The following RIPK1 variants were observed in gnomAD, a reference collection of about 807,000 sequenced individuals.
The protein encoded by RIPK1 is receptor interacting serine/threonine kinase 1, also known as receptor-interacting serine/threonine-protein kinase 1.
RIPK1 carries 27 observed loss-of-function variants against 62.4 expected under a neutral mutation model. The observed-to-expected ratio is 0.43, with a 90% CI of 0.32 to 0.60. RIPK1 has a LOEUF of 0.60. RIPK1 is among the 20% of genes least tolerant of loss of function. The pLI is 0.07. For synonymous variants in RIPK1, 287 were observed against 303.2 expected, an observed-to-expected ratio of 0.95 and a Z score of 0.55; for missense variants, 735 against 831.0, an observed-to-expected ratio of 0.88 and a Z score of 1.42.
At chr6:3,077,356 A>C (rs939016789) in intron 2 of RIPK1, among the ~76,000 whole-genome samples, 2 of 152,016 alleles carry the variant, frequency 1.3e-5, no homozygotes, top group Admixed American at 1.3e-4. Flanking sequence ...ATGAAAAGGC[A>C]GTTCATTCCT....
intron 9 of RIPK1, among the ~76,000 whole-genome samples, chr6:3,106,746 C>G (rs963982529): frequency 6.6e-6 from 1 of 152,144 alleles, no homozygotes; most frequent in African/African-American, 2.4e-5. Flanking sequence ...CCAAAAACGT[C>G]CTATGCAAAC....
chr6:3,069,606 A>G (rs961352159), intron 1 of RIPK1, among the ~76,000 whole-genome samples: 22 of 152,228 alleles, frequency 1.4e-4, no homozygotes, highest in African/African-American at 5.3e-4. Context: ...TTACACTTGA[A>G]GAAGCCAAGG....
chr6:3,082,317 G>A (rs1003831221), intron 4 of RIPK1, among the ~76,000 whole-genome samples: 10 of 152,156 alleles, frequency 6.6e-5, no homozygotes, highest in Admixed American at 3.9e-4. Flanking sequence ...CTCTTATGTC[G>A]TGGGTTAGAA....
rs759456659 is a variant in RIPK1 at position 3,113,389 on chromosome 6, C to A, written c.*50C>A. ...AGTGGACGCCTCACTTAGTGGATAA[C>A]CCCAGAAAGTTGGCTGCCTCAGAGC... is the stretch of plus-strand genomic sequence containing the variant. On this transcript the variant is annotated 3_prime_UTR_variant, in exon 11 of 11. Transcript: ENST00000259808. The surrounding 1 kb of genome is among the most constrained non-coding windows in gnomAD (Gnocchi z 5.0). 1.3e-6 allele frequency: 2 copies of A among 1,555,454 alleles called. No individual in the cohort carries two copies. Among genetic ancestry groups the A allele is most frequent in the Non-Finnish European group, 1.7e-6 (2 of 1,145,528 alleles).
chr6:3,079,302 A>G (rs1213123552), intron 3 of RIPK1, among the ~76,000 whole-genome samples: 1 of 150,836 alleles, frequency 6.6e-6, no homozygotes, highest in African/African-American at 2.4e-5. Context: ...CTGGTCTCGA[A>G]CTCCTGACCT....
chr6:3,084,448 C>T (rs550360989), intron 5 of RIPK1, among the ~76,000 whole-genome samples: 2 of 116,800 alleles, frequency 1.7e-5, no homozygotes, highest in South Asian at 3.4e-4. Flanking sequence ...AACTTCTAGT[C>T]TGTTGATATC....
chr6:3,085,656 A>T (rs1275627507), intron 6 of RIPK1, among the ~76,000 whole-genome samples: 1 of 152,216 alleles, frequency 6.6e-6, no homozygotes, highest in African/African-American at 2.4e-5. Flanking sequence ...GGGTTTAAAT[A>T]TACGTAACAT....
chr6:3,065,824 GCA>G (rs1472696088), upstream of RIPK1, among the ~76,000 whole-genome samples: 1 of 152,128 alleles, frequency 6.6e-6, no homozygotes, highest in Non-Finnish European at 1.5e-5. Flanking sequence ...TTCATCTCAT[GCA>G]CAGTCTACAC....
upstream of RIPK1, among the ~76,000 whole-genome samples, chr6:3,065,264 CAAAAAAAAAAAAAAAA>C (rs57722248): frequency 4.9e-5 from 2 of 40,636 alleles, no homozygotes; most frequent in East Asian, 8.0e-4. Context: ...GACTCCGTCT[CAAAAAAAAAAAAAAAA>C]AAAAAAAAAA....
intron 3 of RIPK1, among the ~76,000 whole-genome samples, chr6:3,078,195 G>C (rs1169716746): frequency 6.6e-6 from 1 of 152,146 alleles, no homozygotes; most frequent in East Asian, 1.9e-4. Context: ...CCTGAAGTCA[G>C]TTTCTCCTTA....
chr6:3,098,851 T>C (rs540442942), intron 7 of RIPK1, among the ~76,000 whole-genome samples: 1 of 152,248 alleles, frequency 6.6e-6, no homozygotes, highest in African/African-American at 2.4e-5. Context: ...GCCTGACAGC[T>C]CTGGCAGCCG....
chr6:3,085,503 C>A, intron 6 of RIPK1, 95 bp downstream of exon 6: 1 of 1,294,018 alleles, frequency 7.7e-7, no homozygotes, highest in Non-Finnish European at 1.1e-6. Flanking sequence ...CCTCAGAAAA[C>A]TGAGTTCGAC....
intron 6 of RIPK1, 39 bp downstream of exon 6, chr6:3,085,447 TGTG>T: frequency 6.2e-7 from 1 of 1,600,738 alleles, no homozygotes; most frequent in Non-Finnish European, 8.6e-7. Flanking sequence ...ATGCATCCTG[TGTG>T]GTGATTTTCC....
chr6:3,109,098 G>A (rs570396366), intron 9 of RIPK1, among the ~76,000 whole-genome samples: 3 of 152,228 alleles, frequency 2.0e-5, no homozygotes, highest in East Asian at 1.9e-4. Flanking sequence ...CCCATGCCCC[G>A]TACCAAGGCC....
chr6:3,066,212 C>G (rs1050560767), upstream of RIPK1, among the ~76,000 whole-genome samples: 2 of 151,984 alleles, frequency 1.3e-5, no homozygotes, highest in African/African-American at 2.4e-5. Context: ...TTAGTAGAGA[C>G]GAGGTTTCAT....
At chr6:3,074,665 T>A (rs1318488348) in intron 1 of RIPK1, among the ~76,000 whole-genome samples, 1 of 152,140 alleles carries the variant, frequency 6.6e-6, no homozygotes, top group Non-Finnish European at 1.5e-5. Flanking sequence ...ATGTAGATAT[T>A]TATTATTTTA....
At chr6:3,081,927 C>G (rs1209678573) in intron 4 of RIPK1, among the ~76,000 whole-genome samples, 2 of 124,714 alleles carry the variant, frequency 1.6e-5, no homozygotes, top group Non-Finnish European at 3.3e-5. Context: ...TCAAAAACCT[C>G]TACTTTGAAA....
chr6:3,084,488 A>G (rs1411337770), intron 5 of RIPK1, among the ~76,000 whole-genome samples: 1 of 151,646 alleles, frequency 6.6e-6, no homozygotes, highest in Non-Finnish European at 1.5e-5. Context: ...CCTCCTCCTT[A>G]AGTCTCCCTT....
At chr6:3,112,473 AC>A (rs1561780441) in intron 10 of RIPK1, among the ~76,000 whole-genome samples, 1 of 152,220 alleles carries the variant, frequency 6.6e-6, no homozygotes, top group Non-Finnish European at 1.5e-5. Context: ...GGTTTTGTTC[AC>A]AGAGCCATCA....
Sources: gnomAD v4.1 joint callset for allele counts (sites outside exome capture counted in the v4.1 genomes callset) on GRCh38, gnomAD v4.1.1 for gene constraint, Gnocchi (gnomAD v3.1) non-coding constraint, MANE v1.5 for transcripts, NCBI Gene and HGNC (gene_info 2026-07-23, HGNC 2026-07-21) for gene names.